Variants in RBFOX1 observed in about 807,000 individuals in gnomAD.
RBFOX1 encodes the protein RNA binding fox-1 homolog 1.
Under a neutral mutation model 57.7 loss-of-function variants are expected in RBFOX1, and 8 were observed. That is an observed-to-expected ratio of 0.14 (90% CI 0.08 to 0.25). The LOEUF is 0.25. Ranked by LOEUF, RBFOX1 falls within the 10% of genes least tolerant of loss-of-function variation. The pLI, the probability that RBFOX1 is intolerant of heterozygous loss-of-function variation, is 1.00. For synonymous variants in RBFOX1, 326 were observed against 222.4 expected (o/e 1.47, Z -4.15); for missense variants, 611 against 548.5 (o/e 1.11, Z -1.14).
chr16:7,406,773 A>T (rs1242142430), intron 4 of RBFOX1, among the ~76,000 whole-genome samples: 1 of 152,210 alleles, frequency 6.6e-6, no homozygotes, highest in African/African-American at 2.4e-5. Context: ...AGGCAAAAAG[A>T]CTGAAGTAGG....
At chr16:6,291,826 C>T (rs990162544) in intron 1 of RBFOX1, among the ~76,000 whole-genome samples, 7 of 152,264 alleles carry the variant, frequency 4.6e-5, no homozygotes, top group Admixed American at 6.5e-5. Context: ...AGACCTGTCT[C>T]CCAGGCACAT....
intron 4 of RBFOX1, among the ~76,000 whole-genome samples, chr16:7,350,551 T>C (rs1457965000): frequency 6.6e-6 from 1 of 152,180 alleles, no homozygotes; most frequent in Non-Finnish European, 1.5e-5. Context: ...AAAAGATTCC[T>C]CTGGAAAGTG....
chr16:6,207,353 C>T (rs1024920146), intron 1 of RBFOX1, among the ~76,000 whole-genome samples: 1 of 152,138 alleles, frequency 6.6e-6, no homozygotes, highest in Non-Finnish European at 1.5e-5. Context: ...TATCTAGCAG[C>T]CAAAAGGTTG....
chr16:7,230,124 G>C (rs1035679584), intron 4 of RBFOX1, among the ~76,000 whole-genome samples: 1 of 151,484 alleles, frequency 6.6e-6, no homozygotes. Context: ...AGATGGAAAG[G>C]AGGGAAGGAA....
chr16:7,150,810 T>A (rs1355513622), intron 4 of RBFOX1, among the ~76,000 whole-genome samples: 3 of 152,212 alleles, frequency 2.0e-5, no homozygotes, highest in Non-Finnish European at 2.9e-5. Context: ...CTCAATCTAT[T>A]GATGCTTGTT....
intron 3 of RBFOX1, among the ~76,000 whole-genome samples, chr16:5,664,552 A>T (rs1411672387): frequency 2.0e-5 from 3 of 152,114 alleles, no homozygotes; most frequent in Admixed American, 6.5e-5. Flanking sequence ...TCTTAAAAAA[A>T]AAAAGTGGAT....
chr16:5,623,248 C>T (rs2048252058), intron 3 of RBFOX1, among the ~76,000 whole-genome samples: 1 of 152,098 alleles, frequency 6.6e-6, no homozygotes, highest in Admixed American at 6.5e-5. Context: ...TGACTGTTTT[C>T]CGTTTCCCAG....
intron 4 of RBFOX1, among the ~76,000 whole-genome samples, chr16:7,247,679 C>T (rs930195497): frequency 6.6e-6 from 1 of 152,224 alleles, no homozygotes; most frequent in Non-Finnish European, 1.5e-5. Flanking sequence ...TTACACATCT[C>T]TTAATTTAGC....
At chr16:5,867,201 G>T in intron 3 of RBFOX1, 1 of 700,726 alleles carries the variant, frequency 1.4e-6, no homozygotes, top group South Asian at 7.5e-5. Flanking sequence ...TTGTCCCCTC[G>T]GGTCATAACA....
intron 3 of RBFOX1, among the ~76,000 whole-genome samples, chr16:6,861,126 C>T (rs2058915091): frequency 6.6e-6 from 1 of 152,062 alleles, no homozygotes; most frequent in Admixed American, 6.5e-5. Context: ...GGACATACGG[C>T]ATTTGCTCCA....
chr16:7,651,137 C>G (rs572848530), intron 11 of RBFOX1, among the ~76,000 whole-genome samples: 102 of 152,320 alleles, frequency 6.7e-4, no homozygotes, highest in African/African-American at 2.3e-3. Flanking sequence ...ATTCTGGGTT[C>G]TACAATCCTC....
chr16:6,577,212 T>G (rs572187414), intron 2 of RBFOX1: 36 of 152,316 alleles, frequency 2.4e-4, no homozygotes, highest in African/African-American at 8.7e-4. Flanking sequence ...CTGCCATGAC[T>G]GAACTAGCCA....
intron 3 of RBFOX1, among the ~76,000 whole-genome samples, chr16:6,872,835 A>G (rs931754769): frequency 6.6e-6 from 1 of 152,198 alleles, no homozygotes; most frequent in Admixed American, 6.5e-5. Context: ...TTGGGTCTTT[A>G]AAAGAGTTAA....
At chr16:6,151,370 C>A (rs549019550) in intron 1 of RBFOX1, among the ~76,000 whole-genome samples, 1 of 152,182 alleles carries the variant, frequency 6.6e-6, no homozygotes, top group Non-Finnish European at 1.5e-5. Flanking sequence ...ACTGCAACCT[C>A]TGCCTCCCGG....
At chr16:5,516,705 T>C (rs2043805026) in intron 2 of RBFOX1, among the ~76,000 whole-genome samples, 1 of 152,106 alleles carries the variant, frequency 6.6e-6, no homozygotes, top group Non-Finnish European at 1.5e-5. Context: ...GGAAGGTAAT[T>C]GAGTCATGGG....
chr16:5,635,205 G>C (rs1301808482), intron 3 of RBFOX1, among the ~76,000 whole-genome samples: 1 of 152,096 alleles, frequency 6.6e-6, no homozygotes, highest in Non-Finnish European at 1.5e-5. Flanking sequence ...TGTTTGTATT[G>C]ATGGTCAGCC....
intron 2 of RBFOX1, among the ~76,000 whole-genome samples, chr16:6,337,294 C>G (rs746770039): frequency 3.9e-5 from 6 of 152,070 alleles, no homozygotes; most frequent in Non-Finnish European, 7.4e-5. Flanking sequence ...ATGCTGATGC[C>G]AAGTCTTTCT....
chr16:5,828,910 G>T (rs756841484), intron 3 of RBFOX1, among the ~76,000 whole-genome samples: 12 of 152,120 alleles, frequency 7.9e-5, no homozygotes, highest in Non-Finnish European at 2.9e-5. Context: ...ATCACTTACC[G>T]TTTCACTGTT....
chr16:7,157,498 G>C (rs995057920), intron 4 of RBFOX1, among the ~76,000 whole-genome samples: 7 of 152,248 alleles, frequency 4.6e-5, no homozygotes, highest in Non-Finnish European at 1.0e-4. Flanking sequence ...TCTGGGATTC[G>C]TTGGGGGCCT....
Sources: allele counts gnomAD v4.1 joint callset (sites outside exome capture counted in the v4.1 genomes callset), GRCh38; gene constraint gnomAD v4.1.1; transcripts MANE v1.5; gene names NCBI Gene and HGNC (gene_info 2026-07-23, HGNC 2026-07-21).